The following DMD variants were observed in gnomAD, a reference collection of about 807,000 sequenced individuals.
The protein encoded by DMD is mutant dystrophin.
A neutral mutation model predicts 330.1 loss-of-function variants in DMD; 63 were observed. That is an observed-to-expected ratio of 0.19 (90% CI 0.16 to 0.24). DMD has a LOEUF of 0.24. DMD is among the 10% of genes least tolerant of loss of function. The pLI, the probability that DMD is intolerant of heterozygous loss-of-function variation, is 1.00. For missense variants in DMD, 3,344 were observed against 2,684.1 expected (o/e 1.25, Z -5.43); for synonymous variants, 1,223 against 959.8 (o/e 1.27, Z -5.07).
intron 55 of DMD, among the ~76,000 whole-genome samples, chrX:31,520,343 T>G (rs1160786401): frequency 9.1e-6 from 1 of 110,457 alleles, no homozygotes; most frequent in Non-Finnish European, 1.9e-5. Context: ...GATGGTTTTA[T>G]AAGGGGCTCT....
At chrX:32,437,688 C>T (rs1245792110) in intron 29 of DMD, among the ~76,000 whole-genome samples, 1 of 112,185 alleles carries the variant, frequency 8.9e-6, no homozygotes, top group African/African-American at 3.2e-5. Context: ...GGGTTTTCTT[C>T]TTGACAAATA....
chrX:32,119,365 C>T (rs60697619), intron 44 of DMD, among the ~76,000 whole-genome samples: 164 of 106,627 alleles, frequency 1.5e-3, no homozygotes, highest in African/African-American at 5.5e-3. Flanking sequence ...GATTAGAGCA[C>T]AGAGGATTGG....
chrX:33,278,516 T>C (rs2053271963), intron 1 of DMD, among the ~76,000 whole-genome samples: 1 of 112,061 alleles, frequency 8.9e-6, no homozygotes. Flanking sequence ...ATGATTTTTT[T>C]CTTTTTTTAT....
intron 4 of DMD, among the ~76,000 whole-genome samples, chrX:32,828,472 ACT>A (rs1557062917): frequency 9.2e-6 from 1 of 108,303 alleles, no homozygotes; most frequent in African/African-American, 3.4e-5. Context: ...ACACACACAC[ACT>A]CTGCTCTAGT....
At chrX:31,475,298 A>T (rs1199356283) in intron 59 of DMD, among the ~76,000 whole-genome samples, 3 of 112,340 alleles carry the variant, frequency 2.7e-5, no homozygotes, top group Non-Finnish European at 5.6e-5. Context: ...GACCAAGAAC[A>T]GATAAGACAG....
At chrX:32,884,659 C>T (rs192967581) in intron 2 of DMD, among the ~76,000 whole-genome samples, 9 of 111,781 alleles carry the variant, frequency 8.1e-5, no homozygotes, top group African/African-American at 9.8e-5. Flanking sequence ...CTCCACTCTA[C>T]GCAACTCTAA....
chrX:32,719,825 G>A (rs2066089964), intron 7 of DMD, among the ~76,000 whole-genome samples: 1 of 109,851 alleles, frequency 9.1e-6, no homozygotes, highest in South Asian at 3.9e-4. Context: ...AATACCTCAA[G>A]AGCTTGGTAC....
intron 2 of DMD, among the ~76,000 whole-genome samples, chrX:32,949,349 GATAGATAGATAGA>G (rs1569545103): frequency 1.6e-5 from 1 of 60,782 alleles, no homozygotes; most frequent in East Asian, 4.9e-4. Flanking sequence ...TAGGTAGATA[GATAGATAGATAGA>G]TAGATAGATA....
chrX:31,743,591 A>G (rs1478163653), intron 51 of DMD, among the ~76,000 whole-genome samples: 2 of 112,207 alleles, frequency 1.8e-5, no homozygotes, highest in Non-Finnish European at 3.8e-5. Flanking sequence ...GAATTAATGC[A>G]GAAACACAAT....
At chrX:32,860,054 G>T in intron 2 of DMD, among the ~76,000 whole-genome samples, 1 of 111,465 alleles carries the variant, frequency 9.0e-6, no homozygotes, top group African/African-American at 3.3e-5. Flanking sequence ...AACACGAAAG[G>T]ACCTAAAAAC....
At chrX:31,813,163 C>T (rs1029878441) in intron 50 of DMD, among the ~76,000 whole-genome samples, 9 of 111,903 alleles carry the variant, frequency 8.0e-5, no homozygotes, top group African/African-American at 1.3e-4. Flanking sequence ...GCCTACACAT[C>T]GGAAGGAAGC....
At chrX:32,114,966 C>CA (rs1415524497) in intron 44 of DMD, among the ~76,000 whole-genome samples, 4 of 111,816 alleles carry the variant, frequency 3.6e-5, no homozygotes, top group Non-Finnish European at 7.5e-5. Flanking sequence ...TTGCAAAACC[C>CA]AATGGTCTAT....
chrX:32,505,284 C>T (rs2044505641), intron 18 of DMD, among the ~76,000 whole-genome samples: 1 of 112,316 alleles, frequency 8.9e-6, no homozygotes, highest in Non-Finnish European at 1.9e-5. Flanking sequence ...GTAGAGAATT[C>T]TTATCCGAAA....
At chrX:32,809,421 A>C in intron 7 of DMD, 72 bp downstream of exon 7, 2 of 889,378 alleles carry the variant, frequency 2.2e-6, no homozygotes, top group South Asian at 4.0e-5. Context: ...TTTGTGTAGA[A>C]ATGACAAGTC....
intron 1 of DMD, among the ~76,000 whole-genome samples, chrX:33,168,427 G>A (rs1349168089): frequency 8.2e-5 from 9 of 109,797 alleles, no homozygotes; most frequent in African/African-American, 3.0e-4. Context: ...GCCATACTCT[G>A]AAAGTTGTTT....
chrX:33,324,344 A>C (rs906837999), intron 1 of DMD, among the ~76,000 whole-genome samples: 4 of 111,369 alleles, frequency 3.6e-5, no homozygotes, highest in Non-Finnish European at 7.5e-5. Flanking sequence ...GAAGCAAGAA[A>C]GGTAGGGTAG....
intron 43 of DMD, among the ~76,000 whole-genome samples, chrX:32,276,649 G>A (rs1449145636): frequency 9.0e-6 from 1 of 111,570 alleles, no homozygotes; most frequent in Non-Finnish European, 1.9e-5. Flanking sequence ...ACCAGGCATG[G>A]TGGCTCACGC....
rs745873218 is a variant in DMD, at chrX:31,507,431, G to A, written c.8240C>T (p.Ala2747Val). 2 of 1,207,770 alleles carry A rather than the reference G, an allele frequency of 1.7e-6. No homozygotes were observed. Among genetic ancestry groups the A allele is most frequent in the East Asian group, 3.0e-5 (1 of 33,799 alleles). Reference sequence around the variant, plus strand: ...CAGGTTGTGATAAACATCTGTGTGAGCTTCAATTTCACCTTGGAGGTCCTA... The same window carrying A: ...CAGGTTGTGATAAACATCTGTGTGAACTTCAATTTCACCTTGGAGGTCCTA... The part of the protein sequence containing the change: ...QWQDLQGEIE[A>V]HTDVYHNLDE... The change falls in exon 56 of 79, where the codon GCT (alanine) becomes GTT (valine). Residue 2747 changes from alanine (A) to valine (V), a missense_variant. Coordinates refer to ENST00000357033, the MANE Select transcript of DMD (RefSeq NM_004006.3).
chrX:33,300,543 T>C (rs776160795), intron 1 of DMD, among the ~76,000 whole-genome samples: 2 of 111,954 alleles, frequency 1.8e-5, no homozygotes, highest in Non-Finnish European at 3.8e-5. Context: ...CTTCATATGT[T>C]GAATTCTAAT....
Sources: gnomAD v4.1 joint callset for allele counts (sites outside exome capture counted in the v4.1 genomes callset) on GRCh38, gnomAD v4.1.1 for gene constraint, MANE v1.5 for transcripts, NCBI Gene and HGNC (gene_info 2026-07-23, HGNC 2026-07-21) for gene names.